ARHGEF28: variants seen among roughly 807,000 people sequenced by gnomAD.
ARHGEF28 encodes Rho guanine nucleotide exchange factor 28.
A neutral mutation model predicts 206.6 loss-of-function variants in ARHGEF28; 152 were observed. The ratio of observed to expected loss-of-function variants is 0.74; its 90% CI spans 0.64 to 0.84. The LOEUF (loss-of-function observed/expected upper bound fraction) is 0.84. ARHGEF28 is among the 40% of genes least tolerant of loss of function. The pLI is 0.00. For missense variants in ARHGEF28, 2,028 were observed against 2,073.2 expected (o/e 0.98, Z 0.42); for synonymous variants, 763 against 776.4 (o/e 0.98, Z 0.29).
chr5:73,845,294 G>T (rs1163502253), intron 11 of ARHGEF28, among the ~76,000 whole-genome samples: 1 of 152,102 alleles, frequency 6.6e-6, no homozygotes, highest in African/African-American at 2.4e-5. Context: ...GGGATTACAG[G>T]CGTGAGCCAC....
intron 1 of ARHGEF28, among the ~76,000 whole-genome samples, chr5:73,676,724 C>T (rs1245548007): frequency 6.6e-6 from 1 of 152,150 alleles, no homozygotes; most frequent in Non-Finnish European, 1.5e-5. Flanking sequence ...GCCACATTCT[C>T]ATTTAACTTG....
chr5:73,867,949 G>A lies in ARHGEF28; in HGVS notation c.2226G>A (p.Pro742=), dbSNP rs758119684. ...HPSSSVPVGL[P]TGRRETVGQV... ...CTTCCTCCGTGCCTGTTGGATTGCC[G>A]ACTGGAAGGAGGGAGACTGTGGGAC... The change falls in exon 19 of 36, where the codon CCG becomes CCA. Residue 742 remains proline (P), a synonymous_variant. Coordinates refer to ENST00000513042, the MANE Select transcript of ARHGEF28 (RefSeq NM_001177693.2). 24 of 1,613,804 alleles carry A rather than the reference G, an allele frequency of 1.5e-5. No individual in the cohort carries two copies. Among genetic ancestry groups the A allele is most frequent in the Admixed American group, 6.7e-5 (4 of 59,994 alleles).
chr5:73,716,949 T>C (rs904409783), intron 2 of ARHGEF28, among the ~76,000 whole-genome samples: 1 of 152,070 alleles, frequency 6.6e-6, no homozygotes, highest in Non-Finnish European at 1.5e-5. Flanking sequence ...TTCTACTGGT[T>C]TCCCAGTATA....
intron 6 of ARHGEF28, among the ~76,000 whole-genome samples, chr5:73,777,277 A>G (rs1008952251): frequency 2.0e-5 from 3 of 152,148 alleles, no homozygotes; most frequent in Non-Finnish European, 4.4e-5. Context: ...CTTTGAAAGA[A>G]TATTAAGAAT....
intron 2 of ARHGEF28, among the ~76,000 whole-genome samples, chr5:73,747,031 A>G (rs1248718423): frequency 1.3e-5 from 2 of 152,098 alleles, no homozygotes; most frequent in Admixed American, 6.5e-5. Flanking sequence ...ATTTGGGGAG[A>G]TAATTTTGCC....
intron 9 of ARHGEF28, among the ~76,000 whole-genome samples, chr5:73,808,413 G>A (rs1285484554): frequency 6.6e-6 from 1 of 152,074 alleles, no homozygotes; most frequent in Non-Finnish European, 1.5e-5. Context: ...TTGGCACAAG[G>A]GTAAGAGCTT....
intron 35 of ARHGEF28, among the ~76,000 whole-genome samples, chr5:73,926,069 T>G (rs960743243): frequency 6.6e-6 from 1 of 152,224 alleles, no homozygotes; most frequent in Non-Finnish European, 1.5e-5. Context: ...TCCATGGTGC[T>G]GAGACCAGGT....
intron 29 of ARHGEF28, among the ~76,000 whole-genome samples, chr5:73,897,304 T>C (rs1762013576): frequency 6.6e-6 from 1 of 152,214 alleles, no homozygotes; most frequent in African/African-American, 2.4e-5. Flanking sequence ...GTGGGTTGTG[T>C]ATGTCTCTTT....
Position 73,894,458 on chromosome 5 carries a change from G to A in ARHGEF28, c.3724G>A (p.Glu1242Lys), listed in dbSNP as rs766034053. The change falls in exon 29 of 36, where the codon GAA (glutamate) becomes AAA (lysine). Residue 1242 changes from glutamate to lysine, a missense_variant. Coordinates refer to ENST00000513042, the MANE Select transcript of ARHGEF28 (RefSeq NM_001177693.2). ...GGAGGAGAAGCTGCATATCTATGCT[G>A]AACTTGGAGAACTGAGCGGATTTGA... ...YLEEKLHIYA[E>K]LGELSGFEDV... 85 of 1,613,720 alleles carry A rather than the reference G, an allele frequency of 5.3e-5. No homozygotes were observed. Among genetic ancestry groups the A allele is most frequent in the Non-Finnish European group, 7.0e-5 (83 of 1,179,842 alleles).
In ARHGEF28 at chr5:73,656,441, C is replaced by T. The variant is rs553469680; in HGVS notation, c.-11-28400C>T. On this transcript the variant is annotated intron_variant, in intron 1 of 35. Coordinates refer to ENST00000513042, the MANE Select transcript of ARHGEF28 (RefSeq NM_001177693.2). ...TTTCATTATTTTCTCAGACGTCAAA[C>T]TTGGGAGATTTTTGTCTCTCTTTCT... Among the ~76,000 whole-genome samples, 6 of 152,314 alleles carry T rather than the reference C, an allele frequency of 3.9e-5. 1 individual carries two copies. The East Asian group carries it at 9.6e-4, about 24-fold the overall frequency.
intron 2 of ARHGEF28, among the ~76,000 whole-genome samples, chr5:73,709,698 G>A (rs1749134509): frequency 6.6e-6 from 1 of 152,156 alleles, no homozygotes; most frequent in Non-Finnish European, 1.5e-5. Context: ...ACTGCCCTCA[G>A]CATTCCTTCT....
chr5:73,821,186 C>T (rs1456679718), intron 9 of ARHGEF28, among the ~76,000 whole-genome samples: 1 of 152,102 alleles, frequency 6.6e-6, no homozygotes. Context: ...TTAAGTAGGG[C>T]TTCTCAACCA....
chr5:73,862,821 T>C (rs1446554416), intron 16 of ARHGEF28, among the ~76,000 whole-genome samples: 2 of 151,884 alleles, frequency 1.3e-5, no homozygotes, highest in African/African-American at 4.8e-5. Context: ...TAGATGTGGT[T>C]CTTTGTTTAG....
intron 12 of ARHGEF28, among the ~76,000 whole-genome samples, 162 bp from the exon 13 acceptor site, chr5:73,848,814 A>T (rs1490233104): frequency 1.3e-5 from 2 of 152,190 alleles, no homozygotes; most frequent in Non-Finnish European, 2.9e-5. Context: ...ATAACATTTT[A>T]AAAATTGTGA....
At chr5:73,928,038 T>G (rs1763914053) in intron 35 of ARHGEF28, among the ~76,000 whole-genome samples, 1 of 152,234 alleles carries the variant, frequency 6.6e-6, no homozygotes, top group Non-Finnish European at 1.5e-5. Flanking sequence ...GAAAAAAGTT[T>G]TATGTTTTCC....
At chr5:73,879,456 C>T (rs546422554) in intron 22 of ARHGEF28, among the ~76,000 whole-genome samples, 5 of 152,160 alleles carry the variant, frequency 3.3e-5, no homozygotes, top group African/African-American at 1.2e-4. Flanking sequence ...AGCTTTGTTC[C>T]GTTGCTGGTG....
chr5:73,915,152 T>G (rs1580096051), intron 35 of ARHGEF28, among the ~76,000 whole-genome samples: 1 of 152,144 alleles, frequency 6.6e-6, no homozygotes. Context: ...TTATTGGTTT[T>G]TTTTTCTCCC....
At chr5:73,707,849 T>G (rs571335090) in intron 2 of ARHGEF28, among the ~76,000 whole-genome samples, 2 of 152,304 alleles carry the variant, frequency 1.3e-5, no homozygotes, top group South Asian at 4.1e-4. Context: ...TATGAAAAGT[T>G]ATGTATATCT....
At chr5:73,708,540 C>A (rs1749071010) in intron 2 of ARHGEF28, among the ~76,000 whole-genome samples, 1 of 152,262 alleles carries the variant, frequency 6.6e-6, no homozygotes, top group East Asian at 1.9e-4. Context: ...GATTTGATTT[C>A]ATTCTTTTTT....
Sources: allele counts gnomAD v4.1 joint callset (sites outside exome capture counted in the v4.1 genomes callset), GRCh38; gene constraint gnomAD v4.1.1; transcripts MANE v1.5; gene names NCBI Gene and HGNC (gene_info 2026-07-23, HGNC 2026-07-21).